Variants in ASTN2 observed in about 807,000 individuals in gnomAD.
ASTN2 encodes astrotactin 2, also known as astrotactin-2.
In ASTN2, 54 loss-of-function variants were observed where a neutral mutation model predicts 139.8. That is an observed-to-expected ratio of 0.39 (90% CI 0.31 to 0.48). ASTN2 has a LOEUF of 0.48. Among genes scored for constraint, ASTN2 ranks in the 20% least tolerant of loss-of-function variants. ASTN2 has a pLI of 0.95. For missense variants in ASTN2, 1,565 were observed against 1,725.1 expected (o/e 0.91, Z 1.64); for synonymous variants, 756 against 719.5 (o/e 1.05, Z -0.81).
intron 10 of ASTN2, among the ~76,000 whole-genome samples, chr9:116,888,030 G>A (rs1431453605): frequency 6.6e-6 from 1 of 152,088 alleles, no homozygotes; most frequent in Non-Finnish European, 1.5e-5. Context: ...ATTTCGTATT[G>A]ATAATATATA....
intron 2 of ASTN2, among the ~76,000 whole-genome samples, chr9:117,239,936 G>T (rs894088031): frequency 2.6e-5 from 4 of 152,174 alleles, no homozygotes; most frequent in Non-Finnish European, 5.9e-5. Flanking sequence ...CCAACACTAT[G>T]AGATAAGCAT....
chr9:117,128,118 G>GAT (rs1157596602), intron 4 of ASTN2, among the ~76,000 whole-genome samples: 2 of 152,114 alleles, frequency 1.3e-5, no homozygotes, highest in African/African-American at 4.8e-5. Flanking sequence ...TACAAGACCA[G>GAT]ATAAGCCAGT....
At chr9:116,525,617 G>A (rs1851057511) in intron 19 of ASTN2, among the ~76,000 whole-genome samples, 1 of 152,154 alleles carries the variant, frequency 6.6e-6, no homozygotes, top group Non-Finnish European at 1.5e-5. Context: ...GAGTGATTGT[G>A]GTAACCTGGG....
chr9:117,375,977 C>T (rs979667973), intron 1 of ASTN2, among the ~76,000 whole-genome samples: 29 of 152,144 alleles, frequency 1.9e-4, no homozygotes, highest in African/African-American at 7.0e-4. Flanking sequence ...CTCGATGAGT[C>T]TAATGCCACT....
At chr9:116,602,096 G>C (rs1405342285) in intron 19 of ASTN2, among the ~76,000 whole-genome samples, 3 of 152,180 alleles carry the variant, frequency 2.0e-5, no homozygotes, top group Non-Finnish European at 4.4e-5. Context: ...AGAATGCATA[G>C]AGATATGAAG....
chr9:116,734,870 C>A (rs145398954), intron 13 of ASTN2, among the ~76,000 whole-genome samples: 2 of 152,268 alleles, frequency 1.3e-5, no homozygotes, highest in Non-Finnish European at 2.9e-5. Context: ...ATTTCTGAGT[C>A]CAGAGGATGT....
chr9:116,907,549 G>A (rs1486504551), intron 10 of ASTN2, among the ~76,000 whole-genome samples: 1 of 152,202 alleles, frequency 6.6e-6, no homozygotes, highest in African/African-American at 2.4e-5. Flanking sequence ...GTTAAGCAAG[G>A]CTAAATGGGG....
intron 19 of ASTN2, among the ~76,000 whole-genome samples, chr9:116,609,296 A>ATC (rs34856740): frequency 1.2e-3 from 146 of 124,016 alleles, no homozygotes; most frequent in Non-Finnish European, 1.8e-3. Flanking sequence ...AGAAAAAAGG[A>ATC]TCTCTCTCTC....
chr9:117,280,963 TCTTTC>T (rs1834310235), intron 2 of ASTN2, among the ~76,000 whole-genome samples: 1 of 152,224 alleles, frequency 6.6e-6, no homozygotes, highest in South Asian at 2.1e-4. Context: ...TCTGTTTCCC[TCTTTC>T]CTTCTACATT....
At chr9:116,440,123 T>C (rs926502503) in intron 22 of ASTN2, among the ~76,000 whole-genome samples, 1 of 152,198 alleles carries the variant, frequency 6.6e-6, no homozygotes, top group African/African-American at 2.4e-5. Context: ...AGGACAAAAA[T>C]AAAGCCTTCA....
intron 19 of ASTN2, among the ~76,000 whole-genome samples, chr9:116,573,057 G>C (rs1413957366): frequency 2.6e-5 from 4 of 151,452 alleles, no homozygotes; most frequent in Admixed American, 6.6e-5. Context: ...ACACACATCA[G>C]GAGGCAGAAC....
chr9:117,186,094 C>T (rs913662252), intron 3 of ASTN2, among the ~76,000 whole-genome samples: 2 of 152,140 alleles, frequency 1.3e-5, no homozygotes, highest in African/African-American at 4.8e-5. Context: ...AGCTAGTTAC[C>T]AGAGCCTCCT....
intron 11 of ASTN2, among the ~76,000 whole-genome samples, chr9:116,830,112 T>C (rs536816600): frequency 8.7e-4 from 133 of 152,204 alleles, no homozygotes; most frequent in Non-Finnish European, 1.7e-3. Context: ...CCAGAGACCA[T>C]AAGGAACTTA....
chr9:117,375,763 C>G (rs1587992758), intron 1 of ASTN2, among the ~76,000 whole-genome samples: 1 of 152,264 alleles, frequency 6.6e-6, no homozygotes, highest in East Asian at 1.9e-4. Flanking sequence ...ACAGTGCAAA[C>G]AGTTTTGCAG....
intron 3 of ASTN2, among the ~76,000 whole-genome samples, chr9:117,152,308 T>G (rs1003200288): frequency 6.6e-6 from 1 of 152,272 alleles, no homozygotes; most frequent in South Asian, 2.1e-4. Flanking sequence ...CCATTTCCCT[T>G]TGGGGTAACC....
intron 2 of ASTN2, among the ~76,000 whole-genome samples, chr9:117,253,612 C>T (rs554792503): frequency 7.2e-5 from 11 of 152,154 alleles, no homozygotes; most frequent in Non-Finnish European, 1.3e-4. Flanking sequence ...TTCTTATTCT[C>T]ATCACATCTC....
intron 11 of ASTN2, among the ~76,000 whole-genome samples, chr9:116,828,450 A>T (rs1027607560): frequency 6.6e-6 from 1 of 152,198 alleles, no homozygotes; most frequent in African/African-American, 2.4e-5. Flanking sequence ...CATAAACAGA[A>T]TTCAGGAAAA....
rs1039546962 is a variant in ASTN2, at chr9:117,260,689, G to C, written c.630+30637C>G. ...ATACTGTGTAGGGAGTGGTAAGGGA[G>C]AAGTCACATCTCCTTACTATTAACT... On this transcript the variant is annotated intron_variant, in intron 2 of 22. Transcript: ENST00000313400. Among the ~76,000 whole-genome samples the C allele has an allele frequency of 2.6e-5, 4 of 152,072 alleles. No individual in the cohort carries two copies. In the East Asian group the frequency reaches 5.8e-4, roughly 22 times the overall value.
At chr9:116,752,130 T>A (rs1829417733) in intron 13 of ASTN2, among the ~76,000 whole-genome samples, 1 of 152,196 alleles carries the variant, frequency 6.6e-6, no homozygotes, top group African/African-American at 2.4e-5. Context: ...GACAGCGTGA[T>A]ACTGGTGAAA....
Sources: gnomAD v4.1 joint callset for allele counts (sites outside exome capture counted in the v4.1 genomes callset) on GRCh38, gnomAD v4.1.1 for gene constraint, MANE v1.5 for transcripts, NCBI Gene and HGNC (gene_info 2026-07-23, HGNC 2026-07-21) for gene names.